BNIP2: variants seen among roughly 807,000 people sequenced by gnomAD.
BNIP2 encodes the protein BCL2/adenovirus E1B 19 kDa protein-interacting protein 2.
A neutral mutation model predicts 43.4 loss-of-function variants in BNIP2; 36 were observed. That is an observed-to-expected ratio of 0.83 (90% confidence interval 0.64 to 1.10). BNIP2 has a LOEUF of 1.10. Ranked by LOEUF, BNIP2 falls within the 50% of genes least tolerant of loss-of-function variation. The pLI is 0.00. For missense variants in BNIP2, 417 were observed against 374.1 expected, an observed-to-expected ratio of 1.11 and a Z score of -0.95; for synonymous variants, 146 against 121.0, an observed-to-expected ratio of 1.21 and a Z score of -1.35.
chr15:59,673,826 G>T (rs1448593720), intron 5 of BNIP2, among the ~76,000 whole-genome samples: 1 of 152,122 alleles, frequency 6.6e-6, no homozygotes, highest in Non-Finnish European at 1.5e-5. Flanking sequence ...GGTGGCTCAT[G>T]CTTGTAATTC....
Position 59,668,757 on chromosome 15 carries a change from T to TACAC in BNIP2, c.893+131_893+134dup, listed in dbSNP as rs71425879. The TACAC allele has an allele frequency of 5.9e-3, 3,469 of 587,928 alleles. 46 individuals carry two copies. The highest frequency in any genetic ancestry group is 0.047 in the African/African-American group (2,463 of 52,008). 36.4% of individuals were successfully genotyped at this position (587,928 alleles called of 1,614,324 possible). ...ATGGCTTCTTCCTCTTTTTCTTTGT[T>TACAC]ACACACACACACACACGCGCGCGCG... On this transcript the variant is annotated intron_variant, in intron 9 of 9. Coordinates refer to ENST00000607373, the MANE Select transcript of BNIP2 (RefSeq NM_004330.4).
Position 59,682,404 on chromosome 15 carries a change from T to A in BNIP2, c.50+4A>T. ...AATTGTTTTCTTTTAAAAGCATTGC[T>A]CACATCGGAAAATCTTCATCTTGCC... is the stretch of plus-strand genomic sequence containing the variant. On this transcript the variant is annotated splice_donor_region_variant and intron_variant, in intron 2 of 9. Transcript: ENST00000607373. 1 of 1,608,686 alleles carries A rather than the reference T, an allele frequency of 6.2e-7. No individual in the cohort carries two copies.
In BNIP2 at chr15:59,661,330, CAAAAAAAAAAA is replaced by C. The variant is rs34698618; in HGVS notation, c.*2728_*2738del. The C allele has an allele frequency of 1.0e-5, 1 of 98,740 alleles. No homozygotes were observed. The highest frequency in any genetic ancestry group is 2.8e-4 in the East Asian group (1 of 3,572). The allele number at this position is 98,740 out of a possible 1,614,324, so 6.1% of individuals were successfully genotyped here. ...GGGTGACAGAGTGAGTCTCTGTCTC[CAAAAAAAAAAA>C]AAAAAAAAGAGAGGGCACACATACA... On this transcript the variant is annotated 3_prime_UTR_variant, in exon 10 of 10. Transcript: ENST00000607373.
In BNIP2 at chr15:59,661,940, T is replaced by G. The variant is rs1892299266; in HGVS notation, c.*2129A>C. 6.6e-6 allele frequency: 1 copy of G among 152,198 alleles called. No individual in the cohort carries two copies. Among genetic ancestry groups the G allele is most frequent in the African/African-American group, 2.4e-5 (1 of 41,450 alleles). 9.4% of individuals were successfully genotyped at this position (152,198 alleles called of 1,614,324 possible). A position where few individuals can be genotyped will look rare whatever the true frequency, so the allele number is the denominator to read the frequency against. ...CTTTAGTTTACTGATTCACAGCACC[T>G]CATTTTCATTATATCCCAGGTGTTA... On this transcript the variant is annotated 3_prime_UTR_variant, in exon 10 of 10. Transcript: ENST00000607373.
chr15:59,686,228 T>G (rs1328288485), intron 1 of BNIP2, among the ~76,000 whole-genome samples: 1 of 152,198 alleles, frequency 6.6e-6, no homozygotes, highest in Non-Finnish European at 1.5e-5. Context: ...CCAGGCAGTT[T>G]AGCAACATAA....
intron 2 of BNIP2, 65 bp from the exon 3 acceptor site, chr15:59,680,373 C>G (rs1893591186): frequency 8.3e-7 from 1 of 1,203,674 alleles, no homozygotes; most frequent in African/African-American, 1.5e-5. Flanking sequence ...GAAGTTCAAT[C>G]TATTAAACAT....
intron 1 of BNIP2, among the ~76,000 whole-genome samples, chr15:59,684,909 C>G (rs1231477325): frequency 6.6e-6 from 1 of 152,106 alleles, no homozygotes; most frequent in Non-Finnish European, 1.5e-5. Flanking sequence ...ACATAACAGG[C>G]CTATAAAAAT....
At chr15:59,675,132 C>G (rs1318739512) in intron 5 of BNIP2, among the ~76,000 whole-genome samples, 2 of 151,676 alleles carry the variant, frequency 1.3e-5, no homozygotes, top group African/African-American at 2.4e-5. Context: ...ACCTGTAGTC[C>G]CACCTACTTG....
rs775287881 is a variant in BNIP2, at chr15:59,669,032, A to G, written c.795-42T>C. ...AAATAATTACTTCCATATTTCTGAC[A>G]AATACAATGGATACAATGTTTACAA... is the stretch of plus-strand genomic sequence containing the variant. On this transcript the variant is annotated intron_variant, in intron 8 of 9. Coordinates refer to ENST00000607373, the MANE Select transcript of BNIP2 (RefSeq NM_004330.4). 41 of 1,486,588 alleles carry G rather than the reference A, an allele frequency of 2.8e-5. No individual in the cohort carries two copies. The South Asian group carries it at 4.0e-4, about 15-fold the overall frequency. The allele number at this position is 1,486,588 out of a possible 1,614,324, so 92.1% of individuals were successfully genotyped here.
intron 5 of BNIP2, among the ~76,000 whole-genome samples, chr15:59,676,271 GCT>G (rs1566968920): frequency 6.6e-6 from 1 of 152,100 alleles, no homozygotes; most frequent in East Asian, 1.9e-4. Context: ...CCAAGCTCAA[GCT>G]CTCTCTCCTC....
intron 1 of BNIP2, among the ~76,000 whole-genome samples, chr15:59,684,922 AG>A (rs1370188618): frequency 1.3e-5 from 2 of 152,218 alleles, no homozygotes; most frequent in Admixed American, 1.3e-4. Flanking sequence ...ATAAAAATTA[AG>A]TAAATAATAC....
At chr15:59,687,889 A>G (rs1894121107) in intron 1 of BNIP2, among the ~76,000 whole-genome samples, 1 of 152,160 alleles carries the variant, frequency 6.6e-6, no homozygotes, top group Non-Finnish European at 1.5e-5. Flanking sequence ...CAATGACACT[A>G]CATCCTGGTC....
chr15:59,672,758 A>G lies in BNIP2; in HGVS notation c.473-19T>C. ...TAATATCCTAAAAAAGAAACCAAAG[A>G]CAGTATCACCAGCACGATTTTACTC... On this transcript the variant is annotated intron_variant, in intron 5 of 9. Coordinates refer to ENST00000607373, the MANE Select transcript of BNIP2 (RefSeq NM_004330.4). 2 of 1,593,892 alleles carry G rather than the reference A, an allele frequency of 1.3e-6. No homozygotes were observed. Among genetic ancestry groups the G allele is most frequent in the Non-Finnish European group, 1.7e-6 (2 of 1,162,242 alleles).
intron 5 of BNIP2, among the ~76,000 whole-genome samples, chr15:59,675,084 A>G (rs961392612): frequency 1.8e-4 from 27 of 151,596 alleles, no homozygotes; most frequent in Admixed American, 1.2e-3. Context: ...CCCCGTCTCT[A>G]CTAAAAATAC....
chr15:59,684,062 G>A (rs1249505884), intron 1 of BNIP2, among the ~76,000 whole-genome samples: 1 of 152,144 alleles, frequency 6.6e-6, no homozygotes, highest in Non-Finnish European at 1.5e-5. Context: ...AAAGCCTTAT[G>A]TTCCGTAATG....
At chr15:59,667,714 T>A (rs1305477231) in intron 9 of BNIP2, among the ~76,000 whole-genome samples, 6 of 152,226 alleles carry the variant, frequency 3.9e-5, no homozygotes, top group African/African-American at 1.4e-4. Context: ...TGAGAACTTT[T>A]AAAAAGTCTG....
At position 59,659,660 on chromosome 15, in the gene BNIP2, C is replaced by T. The variant is rs1233154894; in HGVS notation, c.*4409G>A. On this transcript the variant is annotated 3_prime_UTR_variant, in exon 10 of 10. Coordinates refer to ENST00000607373, the MANE Select transcript of BNIP2 (RefSeq NM_004330.4). ...GTAGAAGCTGATGAATGTTATTTTCCAAGTTCCTCCTTAGCCAAACTGCAT... is the reference window on the plus strand; with the variant it reads ...GTAGAAGCTGATGAATGTTATTTTCTAAGTTCCTCCTTAGCCAAACTGCAT... The T allele has an allele frequency of 6.6e-6, 1 of 152,148 alleles. No individual in the cohort carries two copies. Among genetic ancestry groups the T allele is most frequent in the Non-Finnish European group, 1.5e-5 (1 of 68,028 alleles). 9.4% of individuals were successfully genotyped at this position (152,148 alleles called of 1,614,324 possible). A position where few individuals can be genotyped will look rare whatever the true frequency, so the allele number is the denominator to read the frequency against.
rs951706383 is a variant in BNIP2 at position 59,661,674 on chromosome 15, T to G, written c.*2395A>C. 1 of 152,202 alleles carries G rather than the reference T, an allele frequency of 6.6e-6. No homozygotes were observed. Among genetic ancestry groups the G allele is most frequent in the African/African-American group, 2.4e-5 (1 of 41,452 alleles). The allele number at this position is 152,202 out of a possible 1,614,324, so 9.4% of individuals were successfully genotyped here. A position where few individuals can be genotyped will look rare whatever the true frequency, so the allele number is the denominator to read the frequency against. The stretch of plus-strand genomic sequence containing the variant: ...AAGCATCAAATTAAGCCAGTTAAAT[T>G]AGATCCATGATCCCAACAGAAAGAT... On this transcript the variant is annotated 3_prime_UTR_variant, in exon 10 of 10. Transcript: ENST00000607373.
intron 1 of BNIP2, 91 bp from the exon 2 acceptor site, chr15:59,682,605 G>C: frequency 1.0e-6 from 1 of 986,624 alleles, no homozygotes; most frequent in Non-Finnish European, 1.5e-6. Context: ...GTTCATACTT[G>C]ATGTTTAGTA....
Sources: gnomAD v4.1 joint callset for allele counts (sites outside exome capture counted in the v4.1 genomes callset) on GRCh38, gnomAD v4.1.1 for gene constraint, MANE v1.5 for transcripts, NCBI Gene and HGNC (gene_info 2026-07-23, HGNC 2026-07-21) for gene names.